Variants in CDH15 observed in about 807,000 individuals in gnomAD.
The protein encoded by CDH15 is cadherin 15.
CDH15 carries 73 observed loss-of-function variants against 69.4 expected under a neutral mutation model. The observed-to-expected ratio is 1.05, with a 90% CI of 0.87 to 1.28. The LOEUF is 1.28. Among genes scored for constraint, CDH15 ranks in the 50% most tolerant of loss-of-function variants. The probability of loss-of-function intolerance (pLI) is 0.00; values close to 1 mark genes in which losing one functional copy is unlikely to be tolerated. For missense variants in CDH15, 1,343 were observed against 1,133.6 expected (o/e 1.18, Z -2.65); for synonymous variants, 624 against 507.7 (o/e 1.23, Z -3.08).
At position 89,174,308 on chromosome 16, in the gene CDH15, G is replaced by A. The variant is rs113881352; in HGVS notation, c.42+2435G>A. Reference sequence around the variant, plus strand: ...CCCCAGATTCCAGCCTGGGGGAGGGGTTGAAGCCTGAGAAGCTTGAGGGGC... The same window carrying A: ...CCCCAGATTCCAGCCTGGGGGAGGGATTGAAGCCTGAGAAGCTTGAGGGGC... On this transcript the variant is annotated intron_variant, in intron 1 of 13. Coordinates refer to ENST00000289746, the MANE Select transcript of CDH15 (RefSeq NM_004933.3). Among the ~76,000 whole-genome samples, 168 of 152,294 alleles carry A rather than the reference G, an allele frequency of 1.1e-3. 2 individuals carry two copies. Among genetic ancestry groups the A allele is most frequent in the African/African-American group, 3.8e-3 (160 of 41,560 alleles).
At chr16:89,183,187 A>C (rs573856541) in intron 3 of CDH15, 5 of 208,190 alleles carry the variant, frequency 2.4e-5, no homozygotes, top group African/African-American at 6.9e-5. Flanking sequence ...TATCTCAAAA[A>C]AAAAAACAAA....
At chr16:89,183,290 G>A in intron 3 of CDH15, 1 of 516,048 alleles carries the variant, frequency 1.9e-6, no homozygotes, top group Non-Finnish European at 3.5e-6. Flanking sequence ...AGTCACACGT[G>A]AAGCTGTGAG....
At chr16:89,171,975 C>A in intron 1 of CDH15, 102 bp downstream of exon 1, 1 of 1,299,966 alleles carries the variant, frequency 7.7e-7, no homozygotes, top group Non-Finnish European at 1.1e-6. Flanking sequence ...ACCACTGGCC[C>A]TGGTCGCCTT....
intron 7 of CDH15, among the ~76,000 whole-genome samples, chr16:89,188,670 A>G (rs374910169): frequency 2.1e-4 from 31 of 144,474 alleles, no homozygotes; most frequent in East Asian, 1.1e-3. Flanking sequence ...AGATGCCCAC[A>G]CACAGATGCC....
chr16:89,191,298 T>C (rs1915634257), intron 8 of CDH15, 32 bp from the exon 9 acceptor site: 2 of 1,612,082 alleles, frequency 1.2e-6, no homozygotes, highest in Non-Finnish European at 1.7e-6. Flanking sequence ...TGGGGTAAAC[T>C]CAGATCCCAC....
At chr16:89,182,612 AGC>A (rs1915404340) in intron 3 of CDH15, 1 of 151,950 alleles carries the variant, frequency 6.6e-6, no homozygotes, top group Admixed American at 6.6e-5. Context: ...ACTGCACTCC[AGC>A]CTGGGCAACA....
At chr16:89,189,757 A>G (rs1915595683) in intron 7 of CDH15, among the ~76,000 whole-genome samples, 1 of 152,048 alleles carries the variant, frequency 6.6e-6, no homozygotes, top group Non-Finnish European at 1.5e-5. Context: ...AGATACTGAC[A>G]CAGTAAGAGG....
rs187121295 is a variant in CDH15 at position 89,192,188 on chromosome 16, A to G, written c.1616-17A>G. On this transcript the variant is annotated splice_polypyrimidine_tract_variant and intron_variant, in intron 10 of 13. Coordinates refer to ENST00000289746, the MANE Select transcript of CDH15 (RefSeq NM_004933.3). The stretch of plus-strand genomic sequence containing the variant: ...CGGCCTCGGGAGGCCCTCGCTCACC[A>G]CAGGCGCCCTCCGCAGTGAGCCACG... 2.7e-3 allele frequency: 4,161 copies of G among 1,527,450 alleles called. 110 individuals are homozygous for G. The African/African-American group carries it at 0.051, about 19-fold the overall frequency. The allele number at this position is 1,527,450 out of a possible 1,614,324, so 94.6% of individuals were successfully genotyped here.
chr16:89,194,219 C>T (rs1915736318), intron 13 of CDH15, among the ~76,000 whole-genome samples: 1 of 152,116 alleles, frequency 6.6e-6, no homozygotes, highest in Non-Finnish European at 1.5e-5. Context: ...CGGGAGCATC[C>T]CCTGGGCTTC....
In CDH15 at chr16:89,190,127, C is replaced by T. The variant is rs544502037; in HGVS notation, c.979-116C>T. Reference sequence around the variant, plus strand: ...TTGTTTTTTCAAGGTTAAAAAGGGGCAGAAGGAAAGTACAGGTGCTCTGGA... The same window carrying T: ...TTGTTTTTTCAAGGTTAAAAAGGGGTAGAAGGAAAGTACAGGTGCTCTGGA... On this transcript the variant is annotated intron_variant, in intron 7 of 13. Coordinates refer to ENST00000289746, the MANE Select transcript of CDH15 (RefSeq NM_004933.3). 4.8e-3 allele frequency: 5,929 copies of T among 1,232,106 alleles called. 40 individuals are homozygous for T. The highest frequency in any genetic ancestry group is 7.7e-3 in the Middle Eastern group (40 of 5,210). The allele number at this position is 1,232,106 out of a possible 1,614,324, so 76.3% of individuals were successfully genotyped here.
At chr16:89,171,904 C>T (rs1422449171) in intron 1 of CDH15, 31 bp downstream of exon 1, 2 of 1,540,356 alleles carry the variant, frequency 1.3e-6, no homozygotes, top group Admixed American at 3.9e-5. Flanking sequence ...GGGGTCCCCG[C>T]TGCCTCCCTC....
intron 1 of CDH15, 109 bp downstream of exon 1, chr16:89,171,982 C>T: frequency 8.5e-7 from 1 of 1,181,854 alleles, no homozygotes; most frequent in Non-Finnish European, 1.2e-6. Context: ...GCCCTGGTCG[C>T]CTTTGGGGGC....
At chr16:89,185,747 GT>G (rs1253887248) in intron 5 of CDH15, 2 of 298,886 alleles carry the variant, frequency 6.7e-6, no homozygotes, top group Non-Finnish European at 1.3e-5. Context: ...TGGTTACACT[GT>G]TACGTGGTCT....
intron 1 of CDH15, among the ~76,000 whole-genome samples, chr16:89,172,375 C>T (rs1936396407): frequency 6.6e-6 from 1 of 152,140 alleles, no homozygotes. Context: ...GCAGGCCCTG[C>T]CCCCAGGAAC....
intron 3 of CDH15, among the ~76,000 whole-genome samples, chr16:89,181,567 G>A (rs1915377103): frequency 2.6e-5 from 4 of 152,010 alleles, no homozygotes; most frequent in African/African-American, 9.7e-5. Flanking sequence ...CCCCCGAGAG[G>A]TCGACACTGC....
In CDH15 at chr16:89,195,203, T is replaced by C. The variant is rs762633274; in HGVS notation, c.*48T>C. 6.6e-7 allele frequency: 1 copy of C among 1,515,094 alleles called. No homozygotes were observed. Among genetic ancestry groups the C allele is most frequent in the Non-Finnish European group, 8.8e-7 (1 of 1,133,504 alleles). The allele number at this position is 1,515,094 out of a possible 1,614,324, so 93.9% of individuals were successfully genotyped here. On this transcript the variant is annotated 3_prime_UTR_variant, in exon 14 of 14. Transcript: ENST00000289746. ...CCACTCCCCGGCCTCGTGGCAGTGATGGCCCCTGCAGAGGCAGCCTGAGGT... is the reference window on the plus strand; with the variant it reads ...CCACTCCCCGGCCTCGTGGCAGTGACGGCCCCTGCAGAGGCAGCCTGAGGT...
chr16:89,191,317 T>A lies in CDH15; in HGVS notation c.1233-13T>A, dbSNP rs951667692. On this transcript the variant is annotated splice_polypyrimidine_tract_variant and intron_variant, in intron 8 of 13. Transcript: ENST00000289746. ...GTAAACTCAGATCCCACTCTTCCCC[T>A]CCCCTGCATCAGCTACTCCAAGGAC... 2 of 1,612,470 alleles carry A rather than the reference T, an allele frequency of 1.2e-6. No homozygotes were observed. Among genetic ancestry groups the A allele is most frequent in the African/African-American group, 2.7e-5 (2 of 74,854 alleles).
At chr16:89,179,618 G>T in intron 2 of CDH15, 44 bp downstream of exon 2, 2 of 1,510,596 alleles carry the variant, frequency 1.3e-6, no homozygotes, top group South Asian at 2.6e-5. Flanking sequence ...GGGTAGGCTG[G>T]TCCCCAGTGG....
At position 89,193,821 on chromosome 16, in the gene CDH15, C is replaced by G; in HGVS notation, c.2059C>G (p.Leu687Val). The G allele has an allele frequency of 6.2e-7, 1 of 1,610,298 alleles. No individual in the cohort carries two copies. The highest frequency in any genetic ancestry group is 8.5e-7 in the Non-Finnish European group (1 of 1,179,658). The change falls in exon 13 of 14, where the codon CTT becomes GTT. Residue 687 changes from leucine to valine, a missense_variant. By Grantham distance (32) the Leu-to-Val change is conservative (BLOSUM62 1). Coordinates refer to ENST00000289746, the MANE Select transcript of CDH15 (RefSeq NM_004933.3). ...ALSLPLGPPPLRRDAPQGRLH... is the reference protein window; with the variant it reads ...ALSLPLGPPPVRRDAPQGRLH... ...GAGCCTGCCTCTGGGACCGCCGCCA[C>G]TTCGCAGAGATGCCCCGCAGGGCCG...
Sources: gnomAD v4.1 joint callset for allele counts (sites outside exome capture counted in the v4.1 genomes callset) on GRCh38, gnomAD v4.1.1 for gene constraint, MANE v1.5 for transcripts, NCBI Gene and HGNC (gene_info 2026-07-23, HGNC 2026-07-21) for gene names.